BMPR1B: variants seen among roughly 807,000 people sequenced by gnomAD.
The protein encoded by BMPR1B is bone morphogenetic protein receptor type-1B.
In BMPR1B, 12 loss-of-function variants were observed where a neutral mutation model predicts 59.1. The ratio of observed to expected loss-of-function variants is 0.20; its 90% CI spans 0.13 to 0.33. BMPR1B has a LOEUF of 0.33. Among genes scored for constraint, BMPR1B ranks in the 10% least tolerant of loss-of-function variants. The pLI is 1.00. For missense variants in BMPR1B, 550 were observed against 610.9 expected (o/e 0.90, Z 1.05); for synonymous variants, 237 against 207.3 (o/e 1.14, Z -1.23).
At chr4:94,776,524 C>T (rs17022183) in intron 1 of BMPR1B, among the ~76,000 whole-genome samples, 12 of 152,014 alleles carry the variant, frequency 7.9e-5, no homozygotes, top group East Asian at 3.9e-4. Context: ...TCTTCACCTC[C>T]GTGGCATTAG....
At chr4:95,091,324 T>G (rs1729972425) in intron 3 of BMPR1B, 1 of 297,988 alleles carries the variant, frequency 3.4e-6, no homozygotes, top group Non-Finnish European at 5.0e-6. Flanking sequence ...AGGTTTCTTT[T>G]CTTTTTTACC....
At chr4:94,953,590 C>G (rs1006305864) in intron 2 of BMPR1B, among the ~76,000 whole-genome samples, 5 of 143,758 alleles carry the variant, frequency 3.5e-5, no homozygotes, top group African/African-American at 1.5e-4. Context: ...GGCCCCCACT[C>G]TCTTCTGGCT....
chr4:94,967,969 T>G lies in BMPR1B; in HGVS notation c.-112-28071T>G, dbSNP rs181475269. The stretch of plus-strand genomic sequence containing the variant: ...CATTCTGTAAGAATGACCATTTTCT[T>G]TATCTCACTTTGAGGTTATCTTCTT... On this transcript the variant is annotated intron_variant, in intron 2 of 12. Transcript: ENST00000515059. Among the ~76,000 whole-genome samples, 42 of 152,352 alleles carry G rather than the reference T, an allele frequency of 2.8e-4. No individual in the cohort carries two copies. The East Asian group carries it at 7.7e-3, about 28-fold the overall frequency.
chr4:94,835,547 C>A (rs1173885980), intron 1 of BMPR1B, among the ~76,000 whole-genome samples: 1 of 152,070 alleles, frequency 6.6e-6, no homozygotes, highest in Non-Finnish European at 1.5e-5. Flanking sequence ...GTTGGCAAAA[C>A]TTTTTACACT....
chr4:95,000,466 A>G (rs1722364043), intron 3 of BMPR1B, among the ~76,000 whole-genome samples: 2 of 152,104 alleles, frequency 1.3e-5, no homozygotes, highest in South Asian at 2.1e-4. Flanking sequence ...AGATCACCCC[A>G]CTGCACTCCA....
chr4:94,824,813 AT>A (rs1035912661), intron 1 of BMPR1B, among the ~76,000 whole-genome samples: 2 of 152,194 alleles, frequency 1.3e-5, no homozygotes, highest in Non-Finnish European at 2.9e-5. Context: ...TAAAATAAAA[AT>A]GTAATGAAAG....
Position 95,100,460 on chromosome 4 carries a change from CCTCA to C in BMPR1B, c.-17-3945_-17-3942del, listed in dbSNP as rs528209375. On this transcript the variant is annotated intron_variant, in intron 3 of 12. Transcript: ENST00000515059. ...TTTTTATGTCTTTTCTCTTTCTCTC[CCTCA>C]CTTTTCCTCTCTATAAAAAAAATTA... is the stretch of plus-strand genomic sequence containing the variant. 6.1e-4 allele frequency among the ~76,000 whole-genome samples: 92 copies of C among 151,942 alleles called. 3 individuals are homozygous for C. The highest frequency in any genetic ancestry group is 2.1e-3 in the African/African-American group (89 of 41,444).
chr4:95,128,085 C>T (rs186169454), intron 8 of BMPR1B, among the ~76,000 whole-genome samples: 1 of 152,068 alleles, frequency 6.6e-6, no homozygotes, highest in Admixed American at 6.5e-5. Context: ...GAGTTTTTGC[C>T]ATGTTGCCCA....
chr4:95,065,011 T>A lies in BMPR1B; in HGVS notation c.-17-39397T>A, dbSNP rs924576879. ...TGTAGTTGTCATATGATCCAGCAATTTGACTCCTAGGTATATACCGAAGAG... is the reference window on the plus strand; with the variant it reads ...TGTAGTTGTCATATGATCCAGCAATATGACTCCTAGGTATATACCGAAGAG... On this transcript the variant is annotated intron_variant, in intron 3 of 12. Transcript: ENST00000515059. Among the ~76,000 whole-genome samples, 4 of 152,286 alleles carry A rather than the reference T, an allele frequency of 2.6e-5. No homozygotes were observed. The South Asian group carries it at 8.3e-4, about 32-fold the overall frequency.
At chr4:94,986,156 A>G (rs577699313) in intron 2 of BMPR1B, among the ~76,000 whole-genome samples, 229 of 152,336 alleles carry the variant, frequency 1.5e-3, no homozygotes, top group African/African-American at 5.1e-3. Flanking sequence ...TAAGTAGTTT[A>G]ATTACTATAT....
intron 1 of BMPR1B, among the ~76,000 whole-genome samples, chr4:94,815,911 A>G (rs1447004631): frequency 2.0e-5 from 3 of 152,102 alleles, no homozygotes; most frequent in Non-Finnish European, 4.4e-5. Flanking sequence ...TTACATTTTT[A>G]TTACTTTTGT....
chr4:94,766,835 G>T (rs1446712871), intron 1 of BMPR1B, among the ~76,000 whole-genome samples: 1 of 152,024 alleles, frequency 6.6e-6, no homozygotes, highest in African/African-American at 2.4e-5. Flanking sequence ...AAGACATGCA[G>T]TGATTTCTGG....
intron 1 of BMPR1B, among the ~76,000 whole-genome samples, chr4:94,846,324 G>A (rs9995378): frequency 6.6e-6 from 1 of 151,968 alleles, no homozygotes; most frequent in African/African-American, 2.4e-5. Flanking sequence ...TAATACTGAG[G>A]GTCAACTTGA....
intron 4 of BMPR1B, 33 bp from the exon 5 acceptor site, chr4:95,114,687 T>G: frequency 6.5e-7 from 1 of 1,529,790 alleles, no homozygotes; most frequent in Non-Finnish European, 9.1e-7. Flanking sequence ...CACACACACA[T>G]TCTGTTTCTC....
At position 95,115,001 on chromosome 4, in the gene BMPR1B, A is replaced by G. The variant is rs1375082254; in HGVS notation, c.246+179A>G. Among the ~76,000 whole-genome samples the G allele has an allele frequency of 2.6e-5, 4 of 152,178 alleles. No homozygotes were observed. The East Asian group carries it at 7.7e-4, about 29-fold the overall frequency. ...GATGACAGTGGATGGTGGTCCCATA[A>G]TATTATAGCACCATATTTTGACTGT... On this transcript the variant is annotated intron_variant, in intron 5 of 12. Coordinates refer to ENST00000515059, the MANE Select transcript of BMPR1B (RefSeq NM_001203.3).
chr4:95,133,367 C>T (rs149146532), intron 10 of BMPR1B, among the ~76,000 whole-genome samples: 314 of 152,260 alleles, frequency 2.1e-3, no homozygotes, highest in Non-Finnish European at 3.5e-3. Flanking sequence ...GTGCAGTGGA[C>T]TCTTTTCTTT....
At chr4:94,813,481 A>G (rs1723897693) in intron 1 of BMPR1B, among the ~76,000 whole-genome samples, 1 of 152,128 alleles carries the variant, frequency 6.6e-6, no homozygotes, top group African/African-American at 2.4e-5. Context: ...GAATGGTGAC[A>G]TGGCTGGGAG....
At chr4:94,875,111 A>G (rs1294640028) in intron 1 of BMPR1B, among the ~76,000 whole-genome samples, 3 of 152,210 alleles carry the variant, frequency 2.0e-5, no homozygotes, top group African/African-American at 7.2e-5. Context: ...TTTTGGAAAG[A>G]TACCAGAGAA....
At chr4:94,890,361 T>A (rs376012138) in intron 2 of BMPR1B, among the ~76,000 whole-genome samples, 4 of 152,070 alleles carry the variant, frequency 2.6e-5, no homozygotes, top group South Asian at 4.1e-4. Flanking sequence ...AAATGTAAAA[T>A]TCTCTCTCTC....
Sources: gnomAD v4.1 joint callset for allele counts (sites outside exome capture counted in the v4.1 genomes callset) on GRCh38, gnomAD v4.1.1 for gene constraint, MANE v1.5 for transcripts, NCBI Gene and HGNC (gene_info 2026-07-23, HGNC 2026-07-21) for gene names.